The following TENM3 variants were observed in gnomAD, a reference collection of about 807,000 sequenced individuals.
The protein encoded by TENM3 is teneurin-3.
In TENM3, 63 loss-of-function variants were observed where a neutral mutation model predicts 255.1. The observed-to-expected ratio is 0.25, with a 90% CI of 0.20 to 0.30. The LOEUF (loss-of-function observed/expected upper bound fraction) is 0.30. Ranked by LOEUF, TENM3 falls within the 10% of genes least tolerant of loss-of-function variation. The pLI, the probability that TENM3 is intolerant of heterozygous loss-of-function variation, is 1.00. For missense variants in TENM3, 2,929 were observed against 3,461.1 expected (o/e 0.85, Z 3.86); for synonymous variants, 1,306 against 1,322.3 (o/e 0.99, Z 0.27).
intron 1 of TENM3, among the ~76,000 whole-genome samples, chr4:182,195,585 G>A (rs1048177054): frequency 2.6e-5 from 4 of 151,976 alleles, no homozygotes; most frequent in Non-Finnish European, 5.9e-5. Context: ...GGCTGCAGTG[G>A]GCTGTGGTCA....
At chr4:181,737,226 C>T in the TENM3 span, among the ~76,000 whole-genome samples, 1 of 152,102 alleles carries the variant, frequency 6.6e-6, no homozygotes, top group African/African-American at 2.4e-5. Flanking sequence ...CTTTAGCGAA[C>T]TTTGAAAGGT....
intron 13 of TENM3, among the ~76,000 whole-genome samples, chr4:182,717,472 T>C (rs897424742): frequency 3.3e-5 from 5 of 152,168 alleles, no homozygotes; most frequent in Non-Finnish European, 7.3e-5. Flanking sequence ...TTACCCGTAA[T>C]AAGGGCCCTG....
chr4:182,619,194 G>A (rs1749848948), intron 4 of TENM3, among the ~76,000 whole-genome samples: 2 of 152,052 alleles, frequency 1.3e-5, no homozygotes, highest in South Asian at 4.1e-4. Flanking sequence ...TTGGGAGGCC[G>A]AGGCAAGCGG....
intron 3 of TENM3, among the ~76,000 whole-genome samples, chr4:182,559,798 C>T (rs189014525): frequency 5.9e-5 from 9 of 151,744 alleles, no homozygotes; most frequent in Non-Finnish European, 1.3e-4. Context: ...GAGTAACTAG[C>T]CCCATGGTTA....
At chr4:182,262,286 T>G (rs1018532227) in intron 1 of TENM3, among the ~76,000 whole-genome samples, 6 of 152,168 alleles carry the variant, frequency 3.9e-5, no homozygotes, top group Non-Finnish European at 8.8e-5. Flanking sequence ...GTCAGAGGTG[T>G]TGTGAACCAG....
At chr4:182,282,679 G>T (rs371063540) in intron 1 of TENM3, among the ~76,000 whole-genome samples, 2 of 152,014 alleles carry the variant, frequency 1.3e-5, no homozygotes, top group Admixed American at 1.3e-4. Flanking sequence ...GATCACCTGA[G>T]CTCAGGAGTT....
chr4:181,744,156 G>T, the TENM3 span, among the ~76,000 whole-genome samples: 1 of 152,118 alleles, frequency 6.6e-6, no homozygotes, highest in South Asian at 2.1e-4. Flanking sequence ...ACATGATCTT[G>T]TTCCTTTTTA....
At chr4:182,014,841 G>A in the TENM3 span, among the ~76,000 whole-genome samples, 2 of 152,072 alleles carry the variant, frequency 1.3e-5, no homozygotes, top group African/African-American at 2.4e-5. Context: ...CATCTAGAAA[G>A]GATCAACATT....
At chr4:181,762,338 C>T in the TENM3 span, among the ~76,000 whole-genome samples, 427 of 152,248 alleles carry the variant, frequency 2.8e-3, 4 homozygotes, top group African/African-American at 9.6e-3. Context: ...AAATCAGTGA[C>T]GAAAAACATC....
At chr4:181,632,109 A>G in the TENM3 span, among the ~76,000 whole-genome samples, 3 of 152,172 alleles carry the variant, frequency 2.0e-5, no homozygotes, top group Non-Finnish European at 2.9e-5. Context: ...AGGGTAATTT[A>G]TGAAGAAAAG....
the TENM3 span, among the ~76,000 whole-genome samples, chr4:181,613,203 T>C: frequency 6.6e-6 from 1 of 152,228 alleles, no homozygotes; most frequent in Admixed American, 6.5e-5. Context: ...GCCTCTAGTT[T>C]AGATGCTACG....
At chr4:182,013,068 A>C in the TENM3 span, among the ~76,000 whole-genome samples, 1 of 152,154 alleles carries the variant, frequency 6.6e-6, no homozygotes, top group Non-Finnish European at 1.5e-5. Context: ...CCATTATATC[A>C]CAATTCTCCA....
rs58332965 is a variant in TENM3 at position 182,603,784 on chromosome 4, T to TATAC, written c.749+2624_749+2625insTACA. Among the ~76,000 whole-genome samples, 859 of 134,164 alleles carry TATAC rather than the reference T, an allele frequency of 6.4e-3. 20 individuals carry two copies. Among genetic ancestry groups the TATAC allele is most frequent in the South Asian group, 0.015 (59 of 3,858 alleles). The allele number at this position is 134,164 out of a possible 152,430, so 88.0% of individuals were successfully genotyped here. On this transcript the variant is annotated intron_variant, in intron 4 of 27. Coordinates refer to ENST00000511685, the MANE Select transcript of TENM3 (RefSeq NM_001080477.4). ...AATTATTTATATATATATATATATA[T>TATAC]ACACACACACACCGATTTTGCTAAT...
chr4:182,207,698 A>G (rs960825053), intron 1 of TENM3, among the ~76,000 whole-genome samples: 10 of 152,238 alleles, frequency 6.6e-5, no homozygotes, highest in Non-Finnish European at 1.2e-4. Flanking sequence ...ATTTCTTAAT[A>G]TGTAAAAGCT....
the TENM3 span, among the ~76,000 whole-genome samples, chr4:181,629,918 G>T: frequency 6.6e-6 from 1 of 152,200 alleles, no homozygotes; most frequent in African/African-American, 2.4e-5. Flanking sequence ...AATGGTACCA[G>T]CTCCTCCTTG....
the TENM3 span, among the ~76,000 whole-genome samples, chr4:181,941,671 C>A: frequency 1.3e-5 from 2 of 152,064 alleles, no homozygotes. Context: ...CTGATCACTC[C>A]CTCTCACTTG....
intron 3 of TENM3, among the ~76,000 whole-genome samples, chr4:182,474,712 A>G (rs192198579): frequency 3.3e-5 from 5 of 152,312 alleles, no homozygotes; most frequent in Admixed American, 3.3e-4. Flanking sequence ...CATAGAGTTC[A>G]TGCCTATTAT....
At chr4:182,290,132 C>A (rs1320113532) in intron 1 of TENM3, among the ~76,000 whole-genome samples, 2 of 152,204 alleles carry the variant, frequency 1.3e-5, no homozygotes, top group African/African-American at 4.8e-5. Flanking sequence ...TCGCTGTGGA[C>A]TAACTGGCGG....
chr4:181,487,486 C>G, the TENM3 span, among the ~76,000 whole-genome samples: 1 of 152,136 alleles, frequency 6.6e-6, no homozygotes, highest in Non-Finnish European at 1.5e-5. Context: ...GGTTAACAGG[C>G]AGTATCTTTT....
Sources: allele counts gnomAD v4.1 joint callset (sites outside exome capture counted in the v4.1 genomes callset), GRCh38; gene constraint gnomAD v4.1.1; transcripts MANE v1.5; gene names NCBI Gene and HGNC (gene_info 2026-07-23, HGNC 2026-07-21).